Variants in RBFOX1 observed in about 807,000 individuals in gnomAD.
RBFOX1 encodes the protein RNA binding protein fox-1 homolog 1.
A neutral mutation model predicts 57.7 loss-of-function variants in RBFOX1; 8 were observed. The observed-to-expected ratio is 0.14, with a 90% CI of 0.08 to 0.25. The LOEUF (loss-of-function observed/expected upper bound fraction) is 0.25. Among genes scored for constraint, RBFOX1 ranks in the 10% least tolerant of loss-of-function variants. RBFOX1 has a pLI of 1.00. For missense variants in RBFOX1, 611 were observed against 548.5 expected, an observed-to-expected ratio of 1.11 and a Z score of -1.14; for synonymous variants, 326 against 222.4, an observed-to-expected ratio of 1.47 and a Z score of -4.15.
At chr16:6,106,223 T>C (rs2096376741) in intron 1 of RBFOX1, among the ~76,000 whole-genome samples, 1 of 152,046 alleles carries the variant, frequency 6.6e-6, no homozygotes. Context: ...TTGGGAGGTC[T>C]AGGCAGGCTG....
At chr16:5,895,701 C>G (rs1011501911) in intron 4 of RBFOX1, among the ~76,000 whole-genome samples, 3 of 152,184 alleles carry the variant, frequency 2.0e-5, no homozygotes, top group Non-Finnish European at 4.4e-5. Flanking sequence ...TCATTTATAA[C>G]ATAGGATCTA....
chr16:6,020,099 C>G (rs111319987), intron 1 of RBFOX1, 107 bp downstream of exon 1: 2 of 1,247,244 alleles, frequency 1.6e-6, no homozygotes, highest in African/African-American at 1.6e-5. Flanking sequence ...TGGCCTCCTC[C>G]TAGCGCCAGT....
At chr16:5,380,292 T>G (rs1170843445) in intron 1 of RBFOX1, among the ~76,000 whole-genome samples, 1 of 152,110 alleles carries the variant, frequency 6.6e-6, no homozygotes, top group Non-Finnish European at 1.5e-5. Context: ...ATGTCCACAA[T>G]AGGGGAATTA....
chr16:7,073,680 C>T (rs1333233955), intron 4 of RBFOX1, among the ~76,000 whole-genome samples: 2 of 151,472 alleles, frequency 1.3e-5, no homozygotes, highest in African/African-American at 4.9e-5. Context: ...CCCTTCTCTA[C>T]AAAATAATAA....
At chr16:6,303,805 CTTT>C (rs1177185329) in intron 1 of RBFOX1, among the ~76,000 whole-genome samples, 20 of 70,410 alleles carry the variant, frequency 2.8e-4, no homozygotes, top group African/African-American at 7.4e-4. Flanking sequence ...GAAACCCTGT[CTTT>C]TTTTTTTTTT....
intron 2 of RBFOX1, among the ~76,000 whole-genome samples, chr16:6,606,090 C>G (rs370996620): frequency 3.5e-4 from 53 of 151,826 alleles, no homozygotes; most frequent in African/African-American, 1.3e-3. Context: ...GCCTGGGTGA[C>G]AGAGCGAGAC....
At chr16:6,505,461 C>T (rs1307801462) in intron 2 of RBFOX1, among the ~76,000 whole-genome samples, 1 of 151,990 alleles carries the variant, frequency 6.6e-6, no homozygotes, top group African/African-American at 2.4e-5. Flanking sequence ...TTTGGAAATC[C>T]CAAATAAAAT....
intron 4 of RBFOX1, among the ~76,000 whole-genome samples, chr16:7,442,108 G>C (rs778900150): frequency 6.6e-6 from 1 of 152,172 alleles, no homozygotes; most frequent in Non-Finnish European, 1.5e-5. Flanking sequence ...TCAGCCTCCA[G>C]GTGCCCAGGG....
At chr16:7,248,641 A>T (rs1011660360) in intron 4 of RBFOX1, among the ~76,000 whole-genome samples, 1 of 152,206 alleles carries the variant, frequency 6.6e-6, no homozygotes, top group Non-Finnish European at 1.5e-5. Flanking sequence ...TCCTTTTTAT[A>T]AAACACTAAT....
At chr16:6,762,311 T>A (rs2076719302) in intron 3 of RBFOX1, among the ~76,000 whole-genome samples, 1 of 152,242 alleles carries the variant, frequency 6.6e-6, no homozygotes, top group South Asian at 2.1e-4. Flanking sequence ...CTTTTGGTCT[T>A]CAGTAAACTA....
chr16:6,604,011 G>A (rs1272688673), intron 2 of RBFOX1, among the ~76,000 whole-genome samples: 1 of 152,048 alleles, frequency 6.6e-6, no homozygotes, highest in Non-Finnish European at 1.5e-5. Context: ...GCTAACTGTG[G>A]TCCTTTCATG....
chr16:5,384,636 A>C (rs905335890), intron 1 of RBFOX1, among the ~76,000 whole-genome samples: 33 of 152,192 alleles, frequency 2.2e-4, no homozygotes, highest in African/African-American at 7.5e-4. Flanking sequence ...CAGAAGAAGT[A>C]GTTGATAAAA....
At chr16:6,622,702 T>C (rs2098250571) in intron 2 of RBFOX1, among the ~76,000 whole-genome samples, 1 of 152,222 alleles carries the variant, frequency 6.6e-6, no homozygotes, top group African/African-American at 2.4e-5. Flanking sequence ...GTCCTTCTCT[T>C]TCCTCCTGAG....
intron 2 of RBFOX1, among the ~76,000 whole-genome samples, chr16:6,364,778 G>A (rs911571902): frequency 6.6e-6 from 1 of 152,174 alleles, no homozygotes; most frequent in Non-Finnish European, 1.5e-5. Context: ...ATACCTTGTG[G>A]GTGGAAAAGT....
chr16:5,803,920 C>T (rs948895093), intron 3 of RBFOX1, among the ~76,000 whole-genome samples: 3 of 152,156 alleles, frequency 2.0e-5, no homozygotes, highest in Non-Finnish European at 4.4e-5. Flanking sequence ...CTCTCTCTGC[C>T]TGGAATTGTC....
intron 1 of RBFOX1, among the ~76,000 whole-genome samples, chr16:6,190,594 C>T (rs1324248085): frequency 6.6e-6 from 1 of 152,146 alleles, no homozygotes; most frequent in Non-Finnish European, 1.5e-5. Flanking sequence ...AACATATAAG[C>T]ACTTGATATA....
At chr16:7,709,478 C>T (rs914108339) in intron 15 of RBFOX1, 24 of 1,453,962 alleles carry the variant, frequency 1.7e-5, no homozygotes, top group Non-Finnish European at 1.9e-5. Flanking sequence ...CCCTCCCTTG[C>T]TGCTCATTCA....
intron 4 of RBFOX1, among the ~76,000 whole-genome samples, chr16:7,398,934 A>G (rs1597435639): frequency 6.6e-6 from 1 of 152,196 alleles, no homozygotes; most frequent in Admixed American, 6.5e-5. Context: ...GCTTTATAAC[A>G]ATAGAAATTT....
At chr16:5,981,608 A>T (rs982600504) in intron 4 of RBFOX1, among the ~76,000 whole-genome samples, 2 of 152,194 alleles carry the variant, frequency 1.3e-5, no homozygotes, top group East Asian at 3.9e-4. Flanking sequence ...AGCTGGGATT[A>T]TAGGTGCCCA....
Sources: allele counts gnomAD v4.1 joint callset (sites outside exome capture counted in the v4.1 genomes callset), GRCh38; gene constraint gnomAD v4.1.1; transcripts MANE v1.5; gene names NCBI Gene and HGNC (gene_info 2026-07-23, HGNC 2026-07-21).